Variants in AEBP2 observed in about 807,000 individuals in gnomAD.
AEBP2 encodes the protein AE binding protein 2.
In AEBP2, 10 loss-of-function variants were observed where a neutral mutation model predicts 50.8. The observed-to-expected ratio is 0.20, with a 90% CI of 0.12 to 0.33. The LOEUF is 0.33. Among genes scored for constraint, AEBP2 ranks in the 10% least tolerant of loss-of-function variants. AEBP2 has a pLI of 1.00. For synonymous variants in AEBP2, 296 were observed against 261.3 expected (o/e 1.13, Z -1.28); for missense variants, 570 against 688.0 (o/e 0.83, Z 1.92).
At chr12:19,413,345 C>G in intron 1 of AEBP2, 2 of 1,075,618 alleles carry the variant, frequency 1.9e-6, no homozygotes, top group Non-Finnish European at 2.9e-6. Context: ...GAGAAGGTGT[C>G]AGAACAAGGT....
intron 4 of AEBP2, among the ~76,000 whole-genome samples, chr12:19,497,583 G>A (rs1013593360): frequency 7.2e-5 from 11 of 151,858 alleles, no homozygotes; most frequent in Non-Finnish European, 1.2e-4. Context: ...ATCAATTCCC[G>A]TGCGTCAGCT....
chr12:19,483,098 C>T (rs1948754243), intron 3 of AEBP2, among the ~76,000 whole-genome samples: 1 of 152,148 alleles, frequency 6.6e-6, no homozygotes, highest in South Asian at 2.1e-4. Flanking sequence ...TCAAGAAAAT[C>T]CATGTCCAGC....
chr12:19,487,954 A>G (rs1350335610), intron 3 of AEBP2, among the ~76,000 whole-genome samples: 1 of 152,178 alleles, frequency 6.6e-6, no homozygotes, highest in African/African-American at 2.4e-5. Flanking sequence ...AGTAAGGGTC[A>G]GAAAGAATTA....
chr12:19,520,047 CTT>C lies in AEBP2; in HGVS notation c.*1933_*1934del, dbSNP rs1225765775. ...GTATCTGCGAAGTAATCTGCAATCT[CTT>C]TTGTTCTTTTTAAAATTTGATTTGT... is the stretch of plus-strand genomic sequence containing the variant. On this transcript the variant is annotated 3_prime_UTR_variant, in exon 8 of 8. Coordinates refer to ENST00000266508, the MANE Select transcript of AEBP2 (RefSeq NM_153207.5). 1.3e-5 allele frequency: 2 copies of C among 152,526 alleles called. No homozygotes were observed. Among genetic ancestry groups the C allele is most frequent in the Non-Finnish European group, 2.9e-5 (2 of 67,986 alleles). The allele number at this position is 152,526 out of a possible 1,614,324, so 9.4% of individuals were successfully genotyped here. A position where few individuals can be genotyped will look rare whatever the true frequency, so the allele number is the denominator to read the frequency against.
intron 5 of AEBP2, among the ~76,000 whole-genome samples, chr12:19,502,673 A>C (rs1351564274): frequency 3.5e-5 from 5 of 141,322 alleles, no homozygotes; most frequent in Non-Finnish European, 7.7e-5. Flanking sequence ...TTTGAGATGG[A>C]CTTTCGCTCT....
At chr12:19,414,044 C>A (rs1240338356) in intron 1 of AEBP2, among the ~76,000 whole-genome samples, 2 of 151,986 alleles carry the variant, frequency 1.3e-5, no homozygotes, top group Non-Finnish European at 2.9e-5. Context: ...CAGGCGCCTG[C>A]CATCGTGCCT....
chr12:19,518,130 T>C lies in AEBP2; in HGVS notation c.*13T>C. On this transcript the variant is annotated 3_prime_UTR_variant, in exon 8 of 8. Coordinates refer to ENST00000266508, the MANE Select transcript of AEBP2 (RefSeq NM_153207.5). ...GTTGAAGAGGTAAAAAATAAATAAA[T>C]ACATAAAAAGCAAACAAGCGGGGAC... The C allele has an allele frequency of 3.1e-6, 5 of 1,589,576 alleles. No individual in the cohort carries two copies. The highest frequency in any genetic ancestry group is 4.3e-6 in the Non-Finnish European group (5 of 1,167,828).
At chr12:19,484,469 T>C (rs978635080) in intron 3 of AEBP2, among the ~76,000 whole-genome samples, 6 of 151,102 alleles carry the variant, frequency 4.0e-5, no homozygotes, top group African/African-American at 9.7e-5. Context: ...CCGCTTCCCA[T>C]GTTCAAGTGA....
At chr12:19,514,172 G>T (rs1411768399) in intron 6 of AEBP2, among the ~76,000 whole-genome samples, 1 of 151,666 alleles carries the variant, frequency 6.6e-6, no homozygotes, top group Non-Finnish European at 1.5e-5. Flanking sequence ...GCTAATTTTT[G>T]TATTTTTAGT....
chr12:19,471,641 C>T (rs1246688736), intron 2 of AEBP2, among the ~76,000 whole-genome samples: 3 of 151,934 alleles, frequency 2.0e-5, no homozygotes, highest in Non-Finnish European at 4.4e-5. Context: ...TATGCCCCAC[C>T]ACCACCCCTG....
chr12:19,419,144 G>A (rs541512050), intron 1 of AEBP2: 1 of 155,672 alleles, frequency 6.4e-6, no homozygotes, highest in African/African-American at 2.4e-5. Flanking sequence ...CCTGGAGGAG[G>A]GTCCCATACC....
chr12:19,416,173 C>A (rs897747565), intron 1 of AEBP2, among the ~76,000 whole-genome samples: 1 of 152,078 alleles, frequency 6.6e-6, no homozygotes, highest in East Asian at 1.9e-4. Context: ...CAGAGTGAAA[C>A]CTTGTCTTTA....
At chr12:19,508,007 G>A (rs996108330) in intron 5 of AEBP2, among the ~76,000 whole-genome samples, 1 of 151,900 alleles carries the variant, frequency 6.6e-6, no homozygotes, top group Admixed American at 6.6e-5. Flanking sequence ...ATTTTCTTTC[G>A]AGCCTTCTCC....
intron 1 of AEBP2, among the ~76,000 whole-genome samples, chr12:19,428,654 A>C (rs750358270): frequency 1.3e-5 from 2 of 152,196 alleles, no homozygotes; most frequent in Non-Finnish European, 2.9e-5. Context: ...TCTACTAAAA[A>C]TACAACAAAT....
intron 3 of AEBP2, among the ~76,000 whole-genome samples, chr12:19,488,169 G>C (rs1359179991): frequency 6.6e-6 from 1 of 151,334 alleles, no homozygotes; most frequent in African/African-American, 2.4e-5. Flanking sequence ...TGTTGCCCAG[G>C]CTAGAGTGCA....
intron 1 of AEBP2, among the ~76,000 whole-genome samples, chr12:19,452,930 G>A (rs1055813507): frequency 6.6e-6 from 1 of 150,874 alleles, no homozygotes; most frequent in African/African-American, 2.4e-5. Context: ...TTGATAAATA[G>A]GCCTGTGAAA....
chr12:19,454,684 T>C (rs542468713), intron 1 of AEBP2, among the ~76,000 whole-genome samples: 47 of 152,304 alleles, frequency 3.1e-4, no homozygotes, highest in Non-Finnish European at 6.2e-4. Context: ...AAGTTAGATA[T>C]TACAGTGCTT....
chr12:19,500,557 A>C (rs1949053234), intron 5 of AEBP2, among the ~76,000 whole-genome samples: 1 of 152,174 alleles, frequency 6.6e-6, no homozygotes, highest in Non-Finnish European at 1.5e-5. Flanking sequence ...CATTTGCAAA[A>C]TTAGAACATG....
At chr12:19,497,023 A>T (rs1020986610) in intron 4 of AEBP2, among the ~76,000 whole-genome samples, 2 of 151,046 alleles carry the variant, frequency 1.3e-5, no homozygotes, top group Admixed American at 1.3e-4. Flanking sequence ...CATTATTTTT[A>T]AAAATCTTTA....
Sources: gnomAD v4.1 joint callset for allele counts (sites outside exome capture counted in the v4.1 genomes callset) on GRCh38, gnomAD v4.1.1 for gene constraint, MANE v1.5 for transcripts, NCBI Gene and HGNC (gene_info 2026-07-23, HGNC 2026-07-21) for gene names.